The following LRBA variants were observed in gnomAD, a reference collection of about 807,000 sequenced individuals.
LRBA encodes the protein lipopolysaccharide-responsive and beige-like anchor protein.
A neutral mutation model predicts 330.0 loss-of-function variants in LRBA; 176 were observed. The ratio of observed to expected loss-of-function variants is 0.53; its 90% confidence interval spans 0.47 to 0.60. The LOEUF (loss-of-function observed/expected upper bound fraction) is 0.60, where lower values mean the gene tolerates loss of function less well. LRBA is among the 20% of genes least tolerant of loss of function. The pLI, the probability that LRBA is intolerant of heterozygous loss-of-function variation, is 0.00. For synonymous variants in LRBA, 1,230 were observed against 1,193.0 expected, an observed-to-expected ratio of 1.03 and a Z score of -0.64; for missense variants, 3,259 against 3,444.8, an observed-to-expected ratio of 0.95 and a Z score of 1.35.
intron 47 of LRBA, among the ~76,000 whole-genome samples, chr4:150,351,908 A>G (rs144158731): frequency 1.3e-5 from 2 of 152,348 alleles, no homozygotes; most frequent in East Asian, 3.9e-4. Context: ...AAATTGAACA[A>G]TGATATACTG....
chr4:150,934,015 C>A (rs1041802103), intron 2 of LRBA, among the ~76,000 whole-genome samples: 6 of 151,646 alleles, frequency 4.0e-5, no homozygotes, highest in Non-Finnish European at 5.9e-5. Context: ...CAGGGCAAGA[C>A]CCTGTCTCAA....
chr4:150,600,229 TATTC>T (rs1311920473), intron 37 of LRBA, among the ~76,000 whole-genome samples: 3 of 152,114 alleles, frequency 2.0e-5, no homozygotes, highest in Non-Finnish European at 4.4e-5. Flanking sequence ...ATTAAAAAAT[TATTC>T]ATAATCAAAA....
intron 32 of LRBA, 122 bp from the exon 33 acceptor site, chr4:150,806,526 A>G (rs1255887017): frequency 2.0e-6 from 1 of 504,088 alleles, no homozygotes; most frequent in Admixed American, 4.7e-5. Context: ...AAAATCACCT[A>G]AAGAGACATT....
intron 37 of LRBA, among the ~76,000 whole-genome samples, chr4:150,613,372 A>T (rs1230653288): frequency 6.6e-6 from 1 of 152,252 alleles, no homozygotes; most frequent in Non-Finnish European, 1.5e-5. Flanking sequence ...GTAATCCACA[A>T]ATTGAGTCAA....
intron 44 of LRBA, among the ~76,000 whole-genome samples, chr4:150,444,868 T>C (rs1752387817): frequency 6.6e-6 from 1 of 152,204 alleles, no homozygotes; most frequent in African/African-American, 2.4e-5. Context: ...GATGTCTTCA[T>C]AGTTCTATGT....
chr4:150,720,328 A>T (rs891200955), intron 36 of LRBA, among the ~76,000 whole-genome samples: 1 of 152,178 alleles, frequency 6.6e-6, no homozygotes, highest in Non-Finnish European at 1.5e-5. Flanking sequence ...AAGGAGTAAA[A>T]GAAAATTATT....
intron 15 of LRBA, among the ~76,000 whole-genome samples, chr4:150,897,183 A>G (rs1730182938): frequency 6.6e-6 from 1 of 152,052 alleles, no homozygotes; most frequent in Non-Finnish European, 1.5e-5. Context: ...CAACTAATAA[A>G]GCATTATAAA....
intron 40 of LRBA, chr4:150,579,858 A>G (rs929854410): frequency 2.6e-6 from 1 of 379,860 alleles, no homozygotes; most frequent in East Asian, 7.4e-5. Context: ...TTCGCGAACC[A>G]GACGCAACGA....
intron 29 of LRBA, 139 bp from the exon 30 acceptor site, chr4:150,828,760 AC>A (rs1746664892): frequency 2.9e-6 from 2 of 679,958 alleles, no homozygotes. Flanking sequence ...AAAACTAATT[AC>A]GTATTCTACA....
intron 44 of LRBA, among the ~76,000 whole-genome samples, chr4:150,449,346 C>A (rs1753060234): frequency 6.6e-6 from 1 of 151,922 alleles, no homozygotes; most frequent in South Asian, 2.1e-4. Context: ...ATAGGAAATT[C>A]TTTCCTGTGG....
In LRBA at chr4:150,583,729, T is replaced by C. The variant is rs1771711866; in HGVS notation, c.6330+4319A>G. 1 of 1,613,238 alleles carries C rather than the reference T, an allele frequency of 6.2e-7. No homozygotes were observed. The highest frequency in any genetic ancestry group is 1.3e-5 in the African/African-American group (1 of 74,818). On this transcript the variant is annotated intron_variant, in intron 40 of 56. Transcript: ENST00000651943. This position sits in a 1 kb window ranked among gnomAD's most constrained non-coding sequence, Gnocchi z 9.8. ...AGAGAGCGACGCCTGGGTGCTACAG[T>C]TCGGGGAGGCGGAGAACCGCCTGCT...
chr4:150,420,324 C>CATTATAGTATAAAGTATATATAATGCA (rs1748483288), intron 46 of LRBA, among the ~76,000 whole-genome samples: 1 of 144,192 alleles, frequency 6.9e-6, no homozygotes, highest in Non-Finnish European at 1.5e-5. Context: ...ATATAATGCA[C>CATTATAGTATAAAGTATATATAATGCA]ATTATAGTAT....
intron 37 of LRBA, among the ~76,000 whole-genome samples, chr4:150,605,882 G>A (rs990473544): frequency 6.6e-6 from 1 of 152,022 alleles, no homozygotes; most frequent in African/African-American, 2.4e-5. Context: ...TAATGAAAAG[G>A]ACAAACAAAA....
chr4:150,280,228 G>A (rs1395640007), intron 55 of LRBA, among the ~76,000 whole-genome samples: 3 of 152,144 alleles, frequency 2.0e-5, no homozygotes, highest in Non-Finnish European at 4.4e-5. Flanking sequence ...CTGACAGGCC[G>A]CCTCCGCATC....
intron 40 of LRBA, among the ~76,000 whole-genome samples, chr4:150,517,224 A>G (rs1330056661): frequency 6.6e-6 from 1 of 152,190 alleles, no homozygotes; most frequent in Non-Finnish European, 1.5e-5. Flanking sequence ...TAGGTTGCAA[A>G]TATATGTTAA....
chr4:150,275,864 A>C (rs1482810299), intron 56 of LRBA, among the ~76,000 whole-genome samples: 1 of 152,280 alleles, frequency 6.6e-6, no homozygotes, highest in Non-Finnish European at 1.5e-5. Flanking sequence ...AAAGTAATTT[A>C]TAGAGTCAAT....
At chr4:150,835,786 C>G (rs1156859203) in intron 28 of LRBA, among the ~76,000 whole-genome samples, 1 of 152,020 alleles carries the variant, frequency 6.6e-6, no homozygotes, top group Non-Finnish European at 1.5e-5. Context: ...AATTGAATAC[C>G]CTTTCTTTCT....
At chr4:150,888,209 G>A (rs1729147517) in intron 17 of LRBA, among the ~76,000 whole-genome samples, 1 of 152,054 alleles carries the variant, frequency 6.6e-6, no homozygotes, top group East Asian at 1.9e-4. Flanking sequence ...AAATATCCTT[G>A]GAGAGTGAAG....
At chr4:150,780,806 A>T (rs1738110222) in intron 34 of LRBA, among the ~76,000 whole-genome samples, 1 of 151,024 alleles carries the variant, frequency 6.6e-6, no homozygotes, top group South Asian at 2.1e-4. Context: ...TTTTCCACAG[A>T]CAAGGGGGTG....
Sources: allele counts gnomAD v4.1 joint callset (sites outside exome capture counted in the v4.1 genomes callset), GRCh38; gene constraint gnomAD v4.1.1; non-coding constraint Gnocchi (gnomAD v3.1); transcripts MANE v1.5; gene names NCBI Gene and HGNC (gene_info 2026-07-23, HGNC 2026-07-21).